Variants in CAB39 observed in about 807,000 individuals in gnomAD.
The protein encoded by CAB39 is calcium-binding protein 39.
CAB39 carries 8 observed loss-of-function variants against 40.0 expected under a neutral mutation model. The ratio of observed to expected loss-of-function variants is 0.20; its 90% confidence interval spans 0.12 to 0.36. The LOEUF (loss-of-function observed/expected upper bound fraction) is 0.36, where lower values mean the gene tolerates loss of function less well. Among genes scored for constraint, CAB39 ranks in the 10% least tolerant of loss-of-function variants. The pLI is 1.00. For synonymous variants in CAB39, 156 were observed against 141.6 expected, an observed-to-expected ratio of 1.10 and a Z score of -0.72; for missense variants, 270 against 401.1, an observed-to-expected ratio of 0.67 and a Z score of 2.79.
intron 2 of CAB39, among the ~76,000 whole-genome samples, chr2:230,773,742 G>A (rs1444819741): frequency 6.6e-6 from 1 of 152,124 alleles, no homozygotes; most frequent in African/African-American, 2.4e-5. Context: ...GTATTTGGGA[G>A]ACCATATAAT....
At chr2:230,719,280 A>C (rs1694405153) in intron 1 of CAB39, among the ~76,000 whole-genome samples, 1 of 152,242 alleles carries the variant, frequency 6.6e-6, no homozygotes, top group Non-Finnish European at 1.5e-5. Context: ...TTTGTCCAGG[A>C]TAACACAAAC....
chr2:230,719,677 C>G (rs908320291), intron 1 of CAB39, among the ~76,000 whole-genome samples: 1 of 152,210 alleles, frequency 6.6e-6, no homozygotes, highest in African/African-American at 2.4e-5. Flanking sequence ...TGGGTCCTGA[C>G]TCCATGGCTA....
chr2:230,768,925 A>G (rs1192728517), intron 2 of CAB39, among the ~76,000 whole-genome samples: 3 of 152,250 alleles, frequency 2.0e-5, no homozygotes, highest in East Asian at 3.8e-4. Flanking sequence ...CACATTGAAT[A>G]TAAATGGTCT....
chr2:230,814,868 C>T (rs1696373570), intron 7 of CAB39, among the ~76,000 whole-genome samples: 1 of 152,124 alleles, frequency 6.6e-6, no homozygotes, highest in African/African-American at 2.4e-5. Context: ...AGTAAGCAGT[C>T]CCAACAGGAG....
intron 4 of CAB39, among the ~76,000 whole-genome samples, chr2:230,795,540 G>A (rs908487122): frequency 6.6e-6 from 1 of 152,138 alleles, no homozygotes; most frequent in Non-Finnish European, 1.5e-5. Flanking sequence ...GGGGGCAAAA[G>A]TTCATGGATG....
chr2:230,773,285 C>A (rs1432800954), intron 2 of CAB39, among the ~76,000 whole-genome samples: 2 of 129,558 alleles, frequency 1.5e-5, no homozygotes, highest in Admixed American at 7.7e-5. Context: ...TTGATGGTTT[C>A]ATGGGTGTAT....
intron 5 of CAB39, among the ~76,000 whole-genome samples, chr2:230,806,987 G>T (rs963530309): frequency 6.6e-6 from 1 of 152,120 alleles, no homozygotes; most frequent in Non-Finnish European, 1.5e-5. Context: ...CTAAAAGTTG[G>T]CTGCTTAGTC....
At chr2:230,750,984 CAGAT>C (rs1356731713) in intron 1 of CAB39, among the ~76,000 whole-genome samples, 4 of 152,294 alleles carry the variant, frequency 2.6e-5, no homozygotes, top group Admixed American at 6.5e-5. Flanking sequence ...TACTACCAGA[CAGAT>C]AGTCTAGCAC....
At chr2:230,716,963 A>G (rs1357692284) in intron 1 of CAB39, among the ~76,000 whole-genome samples, 1 of 152,206 alleles carries the variant, frequency 6.6e-6, no homozygotes, top group African/African-American at 2.4e-5. Context: ...TGATCACTGC[A>G]TTGCAGCCTG....
intron 7 of CAB39, among the ~76,000 whole-genome samples, chr2:230,815,893 G>A (rs368426278): frequency 6.6e-6 from 1 of 152,184 alleles, no homozygotes; most frequent in Admixed American, 6.5e-5. Context: ...CTTTTTCGTA[G>A]CCACATTGGC....
intron 2 of CAB39, among the ~76,000 whole-genome samples, chr2:230,769,779 G>T (rs1575933510): frequency 6.7e-6 from 1 of 150,168 alleles, no homozygotes; most frequent in Non-Finnish European, 1.5e-5. Context: ...AGGAGTTGGA[G>T]ACCAGCCTGG....
chr2:230,813,104 A>T (rs1055801334), intron 6 of CAB39, among the ~76,000 whole-genome samples: 1 of 152,212 alleles, frequency 6.6e-6, no homozygotes, highest in African/African-American at 2.4e-5. Flanking sequence ...CGAAGATCCA[A>T]CAGTCATACT....
intron 7 of CAB39, among the ~76,000 whole-genome samples, chr2:230,817,529 G>A (rs148485471): frequency 3.0e-4 from 46 of 152,234 alleles, no homozygotes; most frequent in African/African-American, 9.9e-4. Context: ...AGAGAGAAGC[G>A]TCAGGCCTCC....
intron 1 of CAB39, among the ~76,000 whole-genome samples, chr2:230,754,811 G>A (rs1446318516): frequency 6.6e-6 from 1 of 152,118 alleles, no homozygotes; most frequent in Middle Eastern, 3.2e-3. Context: ...GAGCCACTGC[G>A]CCCGGCCTAT....
intron 2 of CAB39, among the ~76,000 whole-genome samples, chr2:230,783,442 AGTTTTGTTTTGTTTTGTTTT>A (rs57684093): frequency 2.0e-5 from 3 of 148,868 alleles, no homozygotes; most frequent in Admixed American, 6.7e-5. Context: ...GTTCTTGTCT[AGTTTTGTTTTGTTTTGTTTT>A]GTTTTGTTTT....
At chr2:230,758,840 C>T (rs10168275) in intron 1 of CAB39, among the ~76,000 whole-genome samples, 19,600 of 152,042 alleles carry the variant, frequency 0.13, 1,523 homozygotes, top group Non-Finnish European at 0.17. Context: ...TGTCATCTTT[C>T]GGTGTCTGAT....
chr2:230,754,193 G>A (rs1268178501), intron 1 of CAB39, among the ~76,000 whole-genome samples: 2 of 152,140 alleles, frequency 1.3e-5, no homozygotes, highest in Non-Finnish European at 2.9e-5. Context: ...GATACAGGTA[G>A]TATCTGGTTA....
intron 5 of CAB39, among the ~76,000 whole-genome samples, chr2:230,801,742 G>A (rs770962438): frequency 6.6e-6 from 1 of 151,914 alleles, no homozygotes; most frequent in South Asian, 2.1e-4. Context: ...GGTGACATGC[G>A]CCTATAGTCT....
rs1298631882 is a variant in CAB39 at position 230,813,869 on chromosome 2, C to T, written c.628-180C>T. Reference sequence around the variant, plus strand: ...GATCACCTGAGAGTCTCAGAGCAAACATGTCAGAGGAAGACATGAAAGAGA... The same window carrying T: ...GATCACCTGAGAGTCTCAGAGCAAATATGTCAGAGGAAGACATGAAAGAGA... On this transcript the variant is annotated intron_variant, in intron 6 of 8. Coordinates refer to ENST00000258418, the MANE Select transcript of CAB39 (RefSeq NM_016289.4). The T allele has an allele frequency of 5.9e-6, 3 of 504,244 alleles. No homozygotes were observed. The African/African-American group carries it at 6.1e-5, about 10-fold the overall frequency. 31.2% of individuals were successfully genotyped at this position (504,244 alleles called of 1,614,324 possible). A position where few individuals can be genotyped will look rare whatever the true frequency, so the allele number is the denominator to read the frequency against.
Sources: allele counts gnomAD v4.1 joint callset (sites outside exome capture counted in the v4.1 genomes callset), GRCh38; gene constraint gnomAD v4.1.1; transcripts MANE v1.5; gene names NCBI Gene and HGNC (gene_info 2026-07-23, HGNC 2026-07-21).